Variants in SLCO5A1 observed in about 807,000 individuals in gnomAD.
SLCO5A1 encodes solute carrier organic anion transporter family member 5A1.
Under a neutral mutation model 65.1 loss-of-function variants are expected in SLCO5A1, and 39 were observed. That is an observed-to-expected ratio of 0.60 (90% confidence interval 0.46 to 0.78). The LOEUF (loss-of-function observed/expected upper bound fraction) is 0.78. Ranked by LOEUF, SLCO5A1 falls within the 30% of genes least tolerant of loss-of-function variation. The pLI, the probability that SLCO5A1 is intolerant of heterozygous loss-of-function variation, is 0.00. For missense variants in SLCO5A1, 1,029 were observed against 1,069.4 expected (o/e 0.96, Z 0.53); for synonymous variants, 438 against 415.7 (o/e 1.05, Z -0.65).
At chr8:69,750,659 T>G (rs1043137716) in intron 4 of SLCO5A1, among the ~76,000 whole-genome samples, 3 of 152,112 alleles carry the variant, frequency 2.0e-5, no homozygotes, top group Non-Finnish European at 4.4e-5. Flanking sequence ...CCTACTGAAA[T>G]CCTCCCAGTC....
chr8:69,792,721 C>T (rs1013367400), intron 2 of SLCO5A1, among the ~76,000 whole-genome samples: 1 of 151,986 alleles, frequency 6.6e-6, no homozygotes, highest in Non-Finnish European at 1.5e-5. Flanking sequence ...CCAGGAGATT[C>T]ACTGGTCTCA....
At chr8:69,742,113 C>G (rs911302220) in intron 4 of SLCO5A1, among the ~76,000 whole-genome samples, 5 of 152,232 alleles carry the variant, frequency 3.3e-5, no homozygotes, top group African/African-American at 1.2e-4. Context: ...GAGTACCACA[C>G]CCTCAATTTC....
At chr8:69,726,503 T>C (rs541822978) in intron 5 of SLCO5A1, among the ~76,000 whole-genome samples, 1 of 148,366 alleles carries the variant, frequency 6.7e-6, no homozygotes. Context: ...CTCCTTTTTT[T>C]TTTTTTTTTT....
intron 2 of SLCO5A1, among the ~76,000 whole-genome samples, chr8:69,773,964 C>G (rs1230273142): frequency 6.6e-6 from 1 of 152,244 alleles, no homozygotes; most frequent in East Asian, 1.9e-4. Flanking sequence ...ACCCACCCTG[C>G]TGCAGTTTTC....
intron 9 of SLCO5A1, among the ~76,000 whole-genome samples, chr8:69,676,093 T>C (rs1477057939): frequency 1.3e-5 from 2 of 152,218 alleles, no homozygotes; most frequent in East Asian, 3.9e-4. Context: ...AGTAAATACT[T>C]ACAAGGCAGT....
chr8:69,783,545 G>T (rs1332843225), intron 2 of SLCO5A1, among the ~76,000 whole-genome samples: 1 of 151,558 alleles, frequency 6.6e-6, no homozygotes, highest in African/African-American at 2.4e-5. Context: ...ATTAAAAAAG[G>T]TATCTTCATA....
chr8:69,832,809 C>T lies in SLCO5A1; in HGVS notation c.-136G>A. Reference sequence around the variant, plus strand: ...CTGGGGCTGGGGGCGCAGGGCCGCGCAGCAGGGCATCCTCACCAGCTGCGA... The same window carrying T: ...CTGGGGCTGGGGGCGCAGGGCCGCGTAGCAGGGCATCCTCACCAGCTGCGA... On this transcript the variant is annotated 5_prime_UTR_variant, in exon 2 of 10. Coordinates refer to ENST00000260126, the MANE Select transcript of SLCO5A1 (RefSeq NM_030958.3). The surrounding 1 kb of genome is among the most constrained non-coding windows in gnomAD (Gnocchi z 4.5). 2.0e-6 allele frequency: 2 copies of T among 1,007,986 alleles called. No individual in the cohort carries two copies. Among genetic ancestry groups the T allele is most frequent in the South Asian group, 1.7e-5 (1 of 60,114 alleles). The allele number at this position is 1,007,986 out of a possible 1,614,324, so 62.4% of individuals were successfully genotyped here.
Position 69,775,439 on chromosome 8 carries a change from T to A in SLCO5A1, c.908-13564A>T, listed in dbSNP as rs964018189. 9.2e-5 allele frequency among the ~76,000 whole-genome samples: 14 copies of A among 152,288 alleles called. No individual in the cohort carries two copies. In the East Asian group the frequency reaches 2.7e-3, roughly 29 times the overall value. ...ATAACAAACCTGCACATTGTGCACATGTACCCTAGAACTTAAAGTATAATA... is the reference window on the plus strand; with the variant it reads ...ATAACAAACCTGCACATTGTGCACAAGTACCCTAGAACTTAAAGTATAATA... On this transcript the variant is annotated intron_variant, in intron 2 of 9. Coordinates refer to ENST00000260126, the MANE Select transcript of SLCO5A1 (RefSeq NM_030958.3).
At chr8:69,768,040 C>T (rs71517256) in intron 2 of SLCO5A1, among the ~76,000 whole-genome samples, 3,495 of 151,890 alleles carry the variant, frequency 0.023, 66 homozygotes, top group Middle Eastern at 0.044. Flanking sequence ...CAAGACCAGC[C>T]TGGGCAACAT....
chr8:69,709,478 TTC>T (rs1219528747), intron 5 of SLCO5A1, among the ~76,000 whole-genome samples: 1 of 152,230 alleles, frequency 6.6e-6, no homozygotes, highest in Non-Finnish European at 1.5e-5. Flanking sequence ...ATGTTAGTTT[TTC>T]TGTTTTATTT....
At chr8:69,749,476 G>A (rs1485881449) in intron 4 of SLCO5A1, among the ~76,000 whole-genome samples, 2 of 152,122 alleles carry the variant, frequency 1.3e-5, no homozygotes, top group African/African-American at 2.4e-5. Flanking sequence ...AAATTAGCCA[G>A]GTGTGGGGGT....
intron 2 of SLCO5A1, among the ~76,000 whole-genome samples, chr8:69,768,376 T>C (rs1216879251): frequency 6.6e-6 from 1 of 152,244 alleles, no homozygotes; most frequent in Non-Finnish European, 1.5e-5. Flanking sequence ...CTTGGCAAGA[T>C]GTACAGGTTA....
chr8:69,667,327 C>T lies in SLCO5A1; in HGVS notation c.*5542G>A, dbSNP rs1368400968. The T allele has an allele frequency of 6.6e-6, 1 of 151,930 alleles. No homozygotes were observed. The highest frequency in any genetic ancestry group is 1.5e-5 in the Non-Finnish European group (1 of 67,972). 9.4% of individuals were successfully genotyped at this position (151,930 alleles called of 1,614,324 possible). ...ACACAAACACACACTCCACTAAGAA[C>T]CTAATGCCAGTTTAGTTGACACAGT... On this transcript the variant is annotated 3_prime_UTR_variant, in exon 10 of 10. Coordinates refer to ENST00000260126, the MANE Select transcript of SLCO5A1 (RefSeq NM_030958.3).
chr8:69,724,342 C>A (rs1815966240), intron 5 of SLCO5A1, among the ~76,000 whole-genome samples: 1 of 152,132 alleles, frequency 6.6e-6, no homozygotes, highest in African/African-American at 2.4e-5. Flanking sequence ...TTGTCCCTTG[C>A]ACAGGTAATA....
intron 6 of SLCO5A1, among the ~76,000 whole-genome samples, chr8:69,688,140 G>T (rs1361588562): frequency 6.6e-6 from 1 of 151,714 alleles, no homozygotes; most frequent in Non-Finnish European, 1.5e-5. Flanking sequence ...TCTCCAAATA[G>T]AGCCAAAAAA....
intron 4 of SLCO5A1, among the ~76,000 whole-genome samples, chr8:69,748,478 A>G (rs575850379): frequency 1.6e-4 from 25 of 152,338 alleles, no homozygotes; most frequent in African/African-American, 5.5e-4. Flanking sequence ...ACCAGAAATC[A>G]TACATACAAT....
chr8:69,768,810 G>A (rs1022746354), intron 2 of SLCO5A1, among the ~76,000 whole-genome samples: 31 of 152,098 alleles, frequency 2.0e-4, no homozygotes, highest in African/African-American at 7.0e-4. Flanking sequence ...ATCCTTGGGG[G>A]ACACAATTCA....
At chr8:69,767,382 T>C (rs564052810) in intron 2 of SLCO5A1, among the ~76,000 whole-genome samples, 9 of 152,186 alleles carry the variant, frequency 5.9e-5, no homozygotes, top group Non-Finnish European at 1.3e-4. Flanking sequence ...TACTACATAG[T>C]GGATAAAGCA....
At chr8:69,692,426 A>G (rs1814308253) in intron 6 of SLCO5A1, among the ~76,000 whole-genome samples, 2 of 152,176 alleles carry the variant, frequency 1.3e-5, no homozygotes. Context: ...AGCACTGTAC[A>G]CTTAGGCTAC....
Sources: allele counts gnomAD v4.1 joint callset (sites outside exome capture counted in the v4.1 genomes callset), GRCh38; gene constraint gnomAD v4.1.1; non-coding constraint Gnocchi (gnomAD v3.1); transcripts MANE v1.5; gene names NCBI Gene and HGNC (gene_info 2026-07-23, HGNC 2026-07-21).